ZFHX3: variants seen among roughly 807,000 people sequenced by gnomAD.
ZFHX3 encodes zinc finger homeobox protein 3.
Under a neutral mutation model 279.1 loss-of-function variants are expected in ZFHX3, and 42 were observed. The observed-to-expected ratio is 0.15, with a 90% CI of 0.12 to 0.19. The LOEUF (loss-of-function observed/expected upper bound fraction) is 0.19, where lower values mean the gene tolerates loss of function less well. ZFHX3 is among the 10% of genes least tolerant of loss of function. The probability of loss-of-function intolerance (pLI) is 1.00; values close to 1 mark genes in which losing one functional copy is unlikely to be tolerated. For synonymous variants in ZFHX3, 2,293 were observed against 1,957.8 expected (o/e 1.17, Z -4.52); for missense variants, 4,981 against 4,754.0 (o/e 1.05, Z -1.40).
intron 2 of ZFHX3, among the ~76,000 whole-genome samples, chr16:73,502,891 C>T (rs2019264007): frequency 6.6e-6 from 1 of 152,240 alleles, no homozygotes. Context: ...GAGGCAAGCT[C>T]AGTCTTGGCT....
At chr16:73,073,475 C>A (rs1033359897) in intron 8 of ZFHX3, among the ~76,000 whole-genome samples, 1 of 152,192 alleles carries the variant, frequency 6.6e-6, no homozygotes, top group Non-Finnish European at 1.5e-5. Context: ...TTCTAAATGT[C>A]ATAGGCCAAG....
intron 2 of ZFHX3, among the ~76,000 whole-genome samples, chr16:73,549,191 C>G (rs1270011024): frequency 6.6e-6 from 1 of 151,606 alleles, no homozygotes; most frequent in African/African-American, 2.4e-5. Flanking sequence ...TTTTCCTTTT[C>G]TGCCTAAAGG....
intron 5 of ZFHX3, among the ~76,000 whole-genome samples, chr16:73,180,558 T>C (rs1475838608): frequency 1.3e-5 from 2 of 152,182 alleles, no homozygotes; most frequent in African/African-American, 2.4e-5. Context: ...CAATCCACTG[T>C]GTTTACCCTC....
intron 5 of ZFHX3, among the ~76,000 whole-genome samples, chr16:73,192,943 C>G (rs1463190033): frequency 6.6e-6 from 1 of 152,138 alleles, no homozygotes. Context: ...TGCTGCTAAG[C>G]CTCAGTTTCC....
At chr16:73,877,209 G>A (rs548733789) in intron 1 of ZFHX3, among the ~76,000 whole-genome samples, 2 of 141,934 alleles carry the variant, frequency 1.4e-5, no homozygotes, top group Non-Finnish European at 3.1e-5. Context: ...GGTCGGGGGG[G>A]GGTCCCAGGC....
intron 3 of ZFHX3, among the ~76,000 whole-genome samples, chr16:73,350,610 G>A (rs2016221996): frequency 6.6e-6 from 1 of 152,178 alleles, no homozygotes; most frequent in African/African-American, 2.4e-5. Flanking sequence ...TGAGAGAGTT[G>A]GCCCTATGTG....
At chr16:73,867,267 G>T (rs551725778) in intron 1 of ZFHX3, among the ~76,000 whole-genome samples, 1 of 152,238 alleles carries the variant, frequency 6.6e-6, no homozygotes, top group East Asian at 1.9e-4. Flanking sequence ...CCAACACTTC[G>T]ACATTTTCAT....
chr16:72,927,606 G>C (rs781083508), intron 3 of ZFHX3, among the ~76,000 whole-genome samples: 3 of 152,274 alleles, frequency 2.0e-5, no homozygotes, highest in Middle Eastern at 3.4e-3. Flanking sequence ...CCAGCGGCCC[G>C]CGAGGGGCTG....
chr16:73,531,582 G>T (rs2019803195), intron 2 of ZFHX3, among the ~76,000 whole-genome samples: 1 of 151,504 alleles, frequency 6.6e-6, no homozygotes, highest in Admixed American at 6.6e-5. Flanking sequence ...GGGTATGGCA[G>T]CACACGCCTA....
intron 3 of ZFHX3, among the ~76,000 whole-genome samples, chr16:72,942,246 G>C (rs1326910671): frequency 6.6e-6 from 1 of 152,210 alleles, no homozygotes; most frequent in Non-Finnish European, 1.5e-5. Context: ...TGCCATATTG[G>C]CTTTCCTGCC....
intron 1 of ZFHX3, among the ~76,000 whole-genome samples, chr16:73,874,222 C>G (rs977735769): frequency 1.3e-5 from 2 of 151,914 alleles, no homozygotes; most frequent in African/African-American, 4.8e-5. Context: ...ATACTGTGTG[C>G]ATATTTAGGA....
intron 4 of ZFHX3, among the ~76,000 whole-genome samples, chr16:72,841,636 C>T (rs1352511130): frequency 6.6e-6 from 1 of 152,184 alleles, no homozygotes; most frequent in African/African-American, 2.4e-5. Context: ...ATTTTAGCTA[C>T]AGCAGCGCTC....
intron 2 of ZFHX3, among the ~76,000 whole-genome samples, chr16:73,580,345 G>C (rs1013074068): frequency 2.6e-5 from 4 of 152,016 alleles, no homozygotes; most frequent in Non-Finnish European, 5.9e-5. Flanking sequence ...GGGTGCGGCG[G>C]CGCACGCCTG....
At chr16:72,825,635 C>G (rs553411239) in intron 5 of ZFHX3, among the ~76,000 whole-genome samples, 2 of 152,276 alleles carry the variant, frequency 1.3e-5, no homozygotes, top group East Asian at 3.9e-4. Flanking sequence ...CTGGGAAGGA[C>G]AGGTGTGAAG....
chr16:73,475,612 A>G (rs1008134673), intron 2 of ZFHX3, among the ~76,000 whole-genome samples: 5 of 152,236 alleles, frequency 3.3e-5, no homozygotes, highest in South Asian at 2.1e-4. Context: ...CTAAAGTTGC[A>G]TTTTGTTGTT....
intron 2 of ZFHX3, among the ~76,000 whole-genome samples, chr16:73,479,489 A>T (rs1159748520): frequency 6.6e-6 from 1 of 152,050 alleles, no homozygotes; most frequent in East Asian, 1.9e-4. Context: ...CCAGAAACAA[A>T]CGTAGTCATC....
intron 1 of ZFHX3, among the ~76,000 whole-genome samples, chr16:73,858,356 C>T (rs1961793871): frequency 6.6e-6 from 1 of 152,204 alleles, no homozygotes; most frequent in African/African-American, 2.4e-5. Context: ...CTAGTGAGAA[C>T]AGCTGCTGAT....
At chr16:73,280,370 TC>T (rs1157842019) in intron 4 of ZFHX3, among the ~76,000 whole-genome samples, 1 of 151,992 alleles carries the variant, frequency 6.6e-6, no homozygotes, top group Non-Finnish European at 1.5e-5. Context: ...GAGTTTAATA[TC>T]CAAAATACAT....
chr16:73,456,554 T>C (rs11865417), intron 2 of ZFHX3, among the ~76,000 whole-genome samples: 11,252 of 152,272 alleles, frequency 0.074, 589 homozygotes, highest in East Asian at 0.19. Flanking sequence ...TTGCAAAACA[T>C]AGGACACTAT....
Sources: gnomAD v4.1 joint callset for allele counts (sites outside exome capture counted in the v4.1 genomes callset) on GRCh38, gnomAD v4.1.1 for gene constraint, MANE v1.5 for transcripts, NCBI Gene and HGNC (gene_info 2026-07-23, HGNC 2026-07-21) for gene names.